The following USH2A variants were observed in gnomAD, a reference collection of about 807,000 sequenced individuals.
The protein encoded by USH2A is Usher syndrome 2A (autosomal recessive, mild).
USH2A carries 443 observed loss-of-function variants against 538.9 expected under a neutral mutation model. The observed-to-expected ratio is 0.82, with a 90% CI of 0.76 to 0.89. The LOEUF (loss-of-function observed/expected upper bound fraction) is 0.89, where lower values mean the gene tolerates loss of function less well. Ranked by LOEUF, USH2A falls within the 40% of genes least tolerant of loss-of-function variation. The pLI is 0.00. For synonymous variants in USH2A, 2,413 were observed against 2,273.5 expected (o/e 1.06, Z -1.75); for missense variants, 6,633 against 6,324.8 (o/e 1.05, Z -1.65).
chr1:216,015,721 G>T (rs1166560198), intron 32 of USH2A, among the ~76,000 whole-genome samples: 1 of 152,212 alleles, frequency 6.6e-6, no homozygotes, highest in African/African-American at 2.4e-5. Context: ...TAACTGGTGT[G>T]AGATGGTATC....
chr1:216,251,028 T>C lies in USH2A; in HGVS notation c.2042A>G (p.Tyr681Cys), dbSNP rs750199568. Residue 681 changes from tyrosine to cysteine, a missense_variant, in exon 12 of 72, where the codon TAC (tyrosine) becomes TGC (cysteine). Tyr to Cys is a radical substitution (Grantham distance 194, BLOSUM62 -2). Transcript: ENST00000307340. ...ATCAGGATCCAACTCTTGTAGATTG[T>C]AGAATCCATTCTGGCACTGATTGCA... ...RQCNQCQNGF[Y>C]NLQELDPDGC... The C allele has an allele frequency of 6.2e-7, 1 of 1,614,080 alleles. No individual in the cohort carries two copies. Among genetic ancestry groups the C allele is most frequent in the East Asian group, 2.2e-5 (1 of 44,826 alleles).
chr1:215,829,164 G>A (rs1663244057), intron 47 of USH2A, among the ~76,000 whole-genome samples: 1 of 152,180 alleles, frequency 6.6e-6, no homozygotes, highest in Non-Finnish European at 1.5e-5. Context: ...TATGGAAAAT[G>A]CAATGTAGAA....
At chr1:215,672,864 A>T (rs1002038357) in intron 63 of USH2A, among the ~76,000 whole-genome samples, 2 of 152,268 alleles carry the variant, frequency 1.3e-5, no homozygotes, top group Non-Finnish European at 2.9e-5. Flanking sequence ...CTTGCAATTT[A>T]TCAGATAAAT....
chr1:216,301,284 C>T (rs2037212365), intron 9 of USH2A, among the ~76,000 whole-genome samples: 1 of 152,116 alleles, frequency 6.6e-6, no homozygotes, highest in Admixed American at 6.5e-5. Context: ...GAGAAAATTT[C>T]CCTTCAAGGT....
chr1:215,905,661 C>T (rs552481575), intron 38 of USH2A, among the ~76,000 whole-genome samples: 33 of 152,160 alleles, frequency 2.2e-4, no homozygotes, highest in African/African-American at 7.7e-4. Flanking sequence ...AGAAGCACTG[C>T]CCTGGGGGTA....
rs369843000 is a variant in USH2A at position 216,011,677 on chromosome 1, C to T, written c.6326-11115G>A. Among the ~76,000 whole-genome samples the T allele has an allele frequency of 2.0e-5, 3 of 151,982 alleles. No homozygotes were observed. In the South Asian group the frequency reaches 6.2e-4, roughly 31 times the overall value. On this transcript the variant is annotated intron_variant, in intron 32 of 71. Coordinates refer to ENST00000307340, the MANE Select transcript of USH2A (RefSeq NM_206933.4). ...CTGCAGCCCTAATACTTTAGAGGCCCTCAAAATCACAAACTATGCTCAACT... is the reference window on the plus strand; with the variant it reads ...CTGCAGCCCTAATACTTTAGAGGCCTTCAAAATCACAAACTATGCTCAACT...
intron 50 of USH2A, among the ~76,000 whole-genome samples, chr1:215,796,453 A>G (rs1662139567): frequency 6.6e-6 from 1 of 151,098 alleles, no homozygotes; most frequent in East Asian, 1.9e-4. Flanking sequence ...TTATATTTAT[A>G]TTTGTGGTCA....
Position 216,370,677 on chromosome 1 carries a change from CAAA to C in USH2A, c.652-5595_652-5593del, listed in dbSNP as rs58845914. On this transcript the variant is annotated intron_variant, in intron 3 of 71. Transcript: ENST00000307340. The stretch of plus-strand genomic sequence containing the variant: ...TGGGGAACAGAGCCAGACTCTGTCT[CAAA>C]AAAAAAAAAAAAAAAAAAAAAATAC... Among the ~76,000 whole-genome samples, 59 of 29,988 alleles carry C rather than the reference CAAA, an allele frequency of 2.0e-3. 1 individual carries two copies. Among genetic ancestry groups the C allele is most frequent in the African/African-American group, 4.5e-3 (40 of 8,972 alleles). 19.7% of individuals were successfully genotyped at this position (29,988 alleles called of 152,430 possible).
At chr1:216,421,596 G>A (rs534352349) in intron 2 of USH2A, among the ~76,000 whole-genome samples, 35 of 152,144 alleles carry the variant, frequency 2.3e-4, no homozygotes, top group East Asian at 9.6e-4. Context: ...CAAAGGTCGC[G>A]CTAAGCTATA....
intron 37 of USH2A, among the ~76,000 whole-genome samples, chr1:215,945,235 C>T (rs1666729653): frequency 6.6e-6 from 1 of 152,044 alleles, no homozygotes; most frequent in Non-Finnish European, 1.5e-5. Flanking sequence ...ATCAATTTTG[C>T]TCTCTAATTT....
At chr1:216,347,602 G>C (rs1235202108) in intron 4 of USH2A, among the ~76,000 whole-genome samples, 1 of 152,028 alleles carries the variant, frequency 6.6e-6, no homozygotes. Context: ...ATATGTTATT[G>C]GTTTGTGTTC....
intron 61 of USH2A, among the ~76,000 whole-genome samples, chr1:215,724,146 C>T (rs1327615204): frequency 6.6e-6 from 1 of 151,452 alleles, no homozygotes; most frequent in African/African-American, 2.4e-5. Context: ...TTTCCACTTT[C>T]CATATTTACT....
rs1358474993 is a variant in USH2A at position 215,785,586 on chromosome 1, C to T, written c.10387+1084G>A. Among the ~76,000 whole-genome samples, 5 of 152,114 alleles carry T rather than the reference C, an allele frequency of 3.3e-5. No individual in the cohort carries two copies. The South Asian group carries it at 1.0e-3, about 32-fold the overall frequency. ...ATGACAAGTTAATGGGTGCAGCACACCAACATGGCACATGTATACATGTAA... is the reference window on the plus strand; with the variant it reads ...ATGACAAGTTAATGGGTGCAGCACATCAACATGGCACATGTATACATGTAA... On this transcript the variant is annotated intron_variant, in intron 52 of 71. Transcript: ENST00000307340.
chr1:216,231,000 C>T (rs1268517227), intron 14 of USH2A, among the ~76,000 whole-genome samples: 6 of 150,510 alleles, frequency 4.0e-5, no homozygotes. Context: ...CACAGATACC[C>T]AGAGAATAAG....
intron 61 of USH2A, among the ~76,000 whole-genome samples, chr1:215,681,025 TAAGTAA>T (rs554465385): frequency 2.5e-3 from 385 of 152,274 alleles, no homozygotes; most frequent in Non-Finnish European, 4.2e-3. Flanking sequence ...AAAAGCACCA[TAAGTAA>T]AACTATGAAA....
chr1:216,365,306 G>A (rs1462673328), intron 3 of USH2A, among the ~76,000 whole-genome samples: 1 of 152,038 alleles, frequency 6.6e-6, no homozygotes, highest in Non-Finnish European at 1.5e-5. Flanking sequence ...CTCCCAGGGT[G>A]TTCACAGGTA....
At chr1:215,687,749 A>G (rs1658478628) in intron 61 of USH2A, among the ~76,000 whole-genome samples, 1 of 152,182 alleles carries the variant, frequency 6.6e-6, no homozygotes, top group Non-Finnish European at 1.5e-5. Flanking sequence ...CTATGGAAAT[A>G]GTGGCAAAAC....
intron 23 of USH2A, 86 bp downstream of exon 23, chr1:216,088,927 T>A: frequency 6.4e-7 from 1 of 1,573,990 alleles, no homozygotes; most frequent in East Asian, 2.2e-5. Context: ...TATGGTGAAA[T>A]AAGAATGTAG....
At chr1:216,056,625 T>G (rs563407279) in intron 30 of USH2A, among the ~76,000 whole-genome samples, 1 of 152,338 alleles carries the variant, frequency 6.6e-6, no homozygotes, top group African/African-American at 2.4e-5. Context: ...TTATTTAAAA[T>G]GCACCTTAAA....
Sources: gnomAD v4.1 joint callset for allele counts (sites outside exome capture counted in the v4.1 genomes callset) on GRCh38, gnomAD v4.1.1 for gene constraint, MANE v1.5 for transcripts, NCBI Gene and HGNC (gene_info 2026-07-23, HGNC 2026-07-21) for gene names.